Variants in RGS6 observed in about 807,000 individuals in gnomAD.
RGS6 encodes regulator of G-protein signaling 6.
In RGS6, 30 loss-of-function variants were observed where a neutral mutation model predicts 78.5. The observed-to-expected ratio is 0.38, with a 90% CI of 0.29 to 0.52. The LOEUF (loss-of-function observed/expected upper bound fraction) is 0.52. Ranked by LOEUF, RGS6 falls within the 20% of genes least tolerant of loss-of-function variation. RGS6 has a pLI of 0.85. For missense variants in RGS6, 495 were observed against 609.7 expected (o/e 0.81, Z 1.98); for synonymous variants, 206 against 206.0 (o/e 1.00, Z 0.00).
chr14:72,274,427 A>G (rs1485591942), intron 2 of RGS6, among the ~76,000 whole-genome samples: 1 of 152,194 alleles, frequency 6.6e-6, no homozygotes, highest in African/African-American at 2.4e-5. Context: ...CACCTCTGGC[A>G]TCACTGCCTT....
intron 3 of RGS6, among the ~76,000 whole-genome samples, chr14:72,435,895 C>T (rs2094886519): frequency 1.3e-5 from 2 of 152,096 alleles, no homozygotes; most frequent in Middle Eastern, 6.8e-3. Flanking sequence ...CTGTAAAGTC[C>T]CTTTTGCCAT....
chr14:72,471,377 A>G (rs959059655), intron 8 of RGS6, among the ~76,000 whole-genome samples: 4 of 152,160 alleles, frequency 2.6e-5, no homozygotes, highest in Non-Finnish European at 4.4e-5. Flanking sequence ...TGTCCCTCCC[A>G]GGGATGATGT....
chr14:71,993,363 T>A (rs1479953729), intron 2 of RGS6, among the ~76,000 whole-genome samples: 2 of 152,240 alleles, frequency 1.3e-5, no homozygotes, highest in East Asian at 3.8e-4. Flanking sequence ...AATGTATTCA[T>A]GGAGTCTAGA....
At chr14:72,593,348 C>T in the RGS6 span, among the ~76,000 whole-genome samples, 1 of 152,086 alleles carries the variant, frequency 6.6e-6, no homozygotes, top group African/African-American at 2.4e-5. Context: ...CTTTCTATGC[C>T]TCATTGCTAA....
chr14:72,068,086 A>G (rs1193359727), intron 2 of RGS6, among the ~76,000 whole-genome samples: 2 of 152,096 alleles, frequency 1.3e-5, no homozygotes, highest in African/African-American at 4.8e-5. Context: ...AAATCCTGGG[A>G]AAGTGAGCCC....
At chr14:71,994,437 A>G (rs2095105964) in intron 2 of RGS6, among the ~76,000 whole-genome samples, 2 of 152,130 alleles carry the variant, frequency 1.3e-5, no homozygotes, top group Admixed American at 6.6e-5. Flanking sequence ...TTCCAAAGGT[A>G]AATGACGACA....
At chr14:72,169,794 C>G (rs1009648664) in intron 2 of RGS6, among the ~76,000 whole-genome samples, 2 of 152,118 alleles carry the variant, frequency 1.3e-5, no homozygotes, top group Admixed American at 6.5e-5. Context: ...TTTCTTCTGC[C>G]TATGAGATGC....
intron 2 of RGS6, among the ~76,000 whole-genome samples, chr14:71,974,342 G>A (rs554784776): frequency 1.1e-4 from 16 of 152,274 alleles, no homozygotes; most frequent in African/African-American, 3.6e-4. Flanking sequence ...TTTTTGATCA[G>A]CATTCTCTGT....
intron 2 of RGS6, among the ~76,000 whole-genome samples, chr14:72,214,455 G>C: frequency 6.6e-6 from 1 of 152,228 alleles, no homozygotes; most frequent in East Asian, 1.9e-4. Flanking sequence ...AATCTGTTAT[G>C]TTTAGAAATT....
At chr14:72,029,187 G>A (rs1006714821) in intron 2 of RGS6, among the ~76,000 whole-genome samples, 3 of 152,156 alleles carry the variant, frequency 2.0e-5, no homozygotes, top group African/African-American at 7.2e-5. Context: ...CAGCTACCTG[G>A]GTTCTATGTT....
intron 14 of RGS6, chr14:72,511,816 G>A (rs1202642338): frequency 6.6e-6 from 1 of 152,220 alleles, no homozygotes; most frequent in Non-Finnish European, 1.5e-5. Context: ...AACCAGACAA[G>A]GTTGAGTATC....
At chr14:72,453,027 T>A (rs766533285) in intron 3 of RGS6, among the ~76,000 whole-genome samples, 1 of 152,172 alleles carries the variant, frequency 6.6e-6, no homozygotes, top group Non-Finnish European at 1.5e-5. Flanking sequence ...AGGGAGGACG[T>A]CGCTGGTATG....
At chr14:72,319,450 C>T (rs902579121) in intron 2 of RGS6, among the ~76,000 whole-genome samples, 2 of 151,606 alleles carry the variant, frequency 1.3e-5, no homozygotes, top group South Asian at 2.1e-4. Flanking sequence ...CCCGGGTTCA[C>T]GCCATTCTCC....
In RGS6 at chr14:72,164,892, A is replaced by G. The variant is rs148583038; in HGVS notation, c.85-187203A>G. On this transcript the variant is annotated intron_variant, in intron 2 of 17. Transcript: ENST00000553525. ...TTTTTCCGCAGACTTGACAAAGGTG[A>G]TGGCTGACTGTGCCTGCCGTCATTT... 6.3e-3 allele frequency among the ~76,000 whole-genome samples: 958 copies of G among 152,320 alleles called. 28 individuals carry two copies. The highest frequency in any genetic ancestry group is 0.055 in the Admixed American group (849 of 15,302).
chr14:72,350,038 G>T (rs2078822530), intron 2 of RGS6, among the ~76,000 whole-genome samples: 1 of 152,118 alleles, frequency 6.6e-6, no homozygotes, highest in South Asian at 2.1e-4. Flanking sequence ...CTAAATTGTT[G>T]GATTGAGTTT....
At chr14:72,546,015 T>C (rs2097395423) in intron 17 of RGS6, among the ~76,000 whole-genome samples, 1 of 151,866 alleles carries the variant, frequency 6.6e-6, no homozygotes, top group Non-Finnish European at 1.5e-5. Flanking sequence ...GCCCTATGGG[T>C]ATAGGAAGGA....
At chr14:72,075,042 A>G (rs1482210076) in intron 2 of RGS6, among the ~76,000 whole-genome samples, 1 of 152,096 alleles carries the variant, frequency 6.6e-6, no homozygotes, top group East Asian at 1.9e-4. Flanking sequence ...TTTGTTCAGG[A>G]TTTTCTTGAG....
At chr14:72,244,131 A>G (rs2053611490) in intron 2 of RGS6, among the ~76,000 whole-genome samples, 1 of 152,122 alleles carries the variant, frequency 6.6e-6, no homozygotes, top group Admixed American at 6.5e-5. Context: ...CCTGAGAGAT[A>G]ATGATGACTG....
chr14:71,894,331 A>G, the RGS6 span, among the ~76,000 whole-genome samples: 1 of 152,234 alleles, frequency 6.6e-6, no homozygotes, highest in Non-Finnish European at 1.5e-5. Context: ...GAGAACAAAG[A>G]CATTCCTAAT....
Sources: allele counts gnomAD v4.1 joint callset (sites outside exome capture counted in the v4.1 genomes callset), GRCh38; gene constraint gnomAD v4.1.1; transcripts MANE v1.5; gene names NCBI Gene and HGNC (gene_info 2026-07-23, HGNC 2026-07-21).